LRMDA: variants seen among roughly 807,000 people sequenced by gnomAD.
LRMDA encodes the protein leucine-rich melanocyte differentiation-associated protein.
In LRMDA, 18 loss-of-function variants were observed where a neutral mutation model predicts 29.8. The ratio of observed to expected loss-of-function variants is 0.60; its 90% CI spans 0.42 to 0.90. LRMDA has a LOEUF of 0.90. LRMDA is among the 40% of genes least tolerant of loss of function. LRMDA has a pLI of 0.00. For synonymous variants in LRMDA, 125 were observed against 109.4 expected (o/e 1.14, Z -0.89); for missense variants, 273 against 273.9 (o/e 1.00, Z 0.02).
At position 76,088,538 on chromosome 10, in the gene LRMDA, T is replaced by C. The variant is rs73283308; in HGVS notation, c.516+29755T>C. ...ATGAGAATTAGAAACTGACTCACAATATCTGGATGGGAAGCCAGGCAGGAG... is the reference window on the plus strand; with the variant it reads ...ATGAGAATTAGAAACTGACTCACAACATCTGGATGGGAAGCCAGGCAGGAG... On this transcript the variant is annotated intron_variant, in intron 5 of 6. Coordinates refer to ENST00000611255, the MANE Select transcript of LRMDA (RefSeq NM_001305581.2). Among the ~76,000 whole-genome samples the C allele has an allele frequency of 2.9e-3, 434 of 152,246 alleles. 1 individual carries two copies. The highest frequency in any genetic ancestry group is 9.9e-3 in the African/African-American group (412 of 41,562).
intron 6 of LRMDA, among the ~76,000 whole-genome samples, chr10:76,478,990 A>ATGTACAAATG (rs1842708679): frequency 6.6e-6 from 1 of 152,002 alleles, no homozygotes; most frequent in Non-Finnish European, 1.5e-5. Flanking sequence ...TGGCACATGT[A>ATGTACAAATG]TACAGATGTA....
chr10:75,907,396 T>C (rs1217483954), intron 2 of LRMDA, among the ~76,000 whole-genome samples: 2 of 152,214 alleles, frequency 1.3e-5, no homozygotes, highest in African/African-American at 2.4e-5. Flanking sequence ...TGTTTCCTTT[T>C]GTTGAAGGCA....
At chr10:75,844,088 C>T (rs1283078591) in intron 2 of LRMDA, among the ~76,000 whole-genome samples, 1 of 152,060 alleles carries the variant, frequency 6.6e-6, no homozygotes, top group Admixed American at 6.6e-5. Flanking sequence ...TTTGATGGGC[C>T]TGATGGTGCT....
intron 5 of LRMDA, among the ~76,000 whole-genome samples, chr10:76,216,400 T>C (rs749072059): frequency 3.9e-5 from 6 of 152,104 alleles, no homozygotes; most frequent in East Asian, 1.9e-4. Flanking sequence ...CATTGTAAAG[T>C]AGATTTTTTC....
intron 2 of LRMDA, among the ~76,000 whole-genome samples, chr10:75,900,517 C>T (rs369461811): frequency 6.6e-6 from 1 of 152,204 alleles, no homozygotes; most frequent in East Asian, 1.9e-4. Context: ...GGAGGAAACC[C>T]CTTTGAGACT....
chr10:75,758,188 G>A (rs1413244605), intron 2 of LRMDA, among the ~76,000 whole-genome samples: 4 of 152,232 alleles, frequency 2.6e-5, no homozygotes, highest in Non-Finnish European at 2.9e-5. Flanking sequence ...GAGGCAAAGG[G>A]TGTGAGGGGG....
chr10:76,233,427 A>G (rs1852096308), intron 5 of LRMDA, among the ~76,000 whole-genome samples: 1 of 152,156 alleles, frequency 6.6e-6, no homozygotes, highest in South Asian at 2.1e-4. Flanking sequence ...CTGCTGACTG[A>G]TCAGGGAGGT....
intron 2 of LRMDA, among the ~76,000 whole-genome samples, chr10:75,838,106 T>C (rs1186655308): frequency 6.6e-6 from 1 of 152,224 alleles, no homozygotes; most frequent in Non-Finnish European, 1.5e-5. Flanking sequence ...ATTTGATGAC[T>C]GAAATGTTCT....
At chr10:76,380,429 G>A (rs1841575224) in intron 6 of LRMDA, among the ~76,000 whole-genome samples, 1 of 152,008 alleles carries the variant, frequency 6.6e-6, no homozygotes, top group Non-Finnish European at 1.5e-5. Flanking sequence ...CAGCACTTTG[G>A]GAGGCCGAGG....
At chr10:76,235,685 G>A (rs1378155255) in intron 5 of LRMDA, among the ~76,000 whole-genome samples, 1 of 152,166 alleles carries the variant, frequency 6.6e-6, no homozygotes, top group African/African-American at 2.4e-5. Context: ...TGACTATTGA[G>A]TTACAGGAGT....
intron 3 of LRMDA, among the ~76,000 whole-genome samples, chr10:76,041,656 C>T (rs1848341964): frequency 6.6e-6 from 1 of 152,164 alleles, no homozygotes; most frequent in South Asian, 2.1e-4. Context: ...TGGACACAGG[C>T]TAGGAGGCTT....
chr10:76,257,394 C>A (rs1258610483), intron 5 of LRMDA, among the ~76,000 whole-genome samples: 1 of 149,778 alleles, frequency 6.7e-6, no homozygotes, highest in African/African-American at 2.5e-5. Flanking sequence ...AGTGCAATGG[C>A]ATGATCTCAG....
chr10:76,477,564 A>G (rs180920916), intron 6 of LRMDA, among the ~76,000 whole-genome samples: 190 of 152,290 alleles, frequency 1.2e-3, no homozygotes, highest in Non-Finnish European at 2.2e-3. Flanking sequence ...TAAAGTTCAT[A>G]TGGAACCGAA....
intron 5 of LRMDA, among the ~76,000 whole-genome samples, chr10:76,102,655 T>A (rs1003574488): frequency 3.3e-5 from 5 of 152,106 alleles, no homozygotes; most frequent in African/African-American, 1.2e-4. Context: ...CTTTTGTTTT[T>A]TTGTTTGTTT....
intron 5 of LRMDA, among the ~76,000 whole-genome samples, chr10:76,140,629 G>A (rs915274275): frequency 2.0e-5 from 3 of 152,088 alleles, no homozygotes; most frequent in African/African-American, 7.2e-5. Context: ...AAAGATCTTA[G>A]AAGCAGCTTC....
intron 2 of LRMDA, among the ~76,000 whole-genome samples, chr10:75,880,439 C>T (rs1589239066): frequency 1.3e-5 from 2 of 152,218 alleles, no homozygotes; most frequent in East Asian, 3.8e-4. Context: ...AGCCCTAAAA[C>T]ATTTTCAAAG....
At chr10:75,988,492 T>G (rs1320322968) in intron 2 of LRMDA, among the ~76,000 whole-genome samples, 4 of 152,088 alleles carry the variant, frequency 2.6e-5, no homozygotes, top group African/African-American at 9.7e-5. Flanking sequence ...GGCTTAATTT[T>G]GAGCATTTAG....
At chr10:76,546,905 A>C (rs1403937382) in intron 6 of LRMDA, among the ~76,000 whole-genome samples, 1 of 152,200 alleles carries the variant, frequency 6.6e-6, no homozygotes, top group Admixed American at 6.5e-5. Context: ...CATGTACCAG[A>C]GACCAATGAT....
chr10:75,660,565 G>A (rs1472651263), intron 2 of LRMDA, among the ~76,000 whole-genome samples: 2 of 152,144 alleles, frequency 1.3e-5, no homozygotes, highest in Non-Finnish European at 2.9e-5. Flanking sequence ...TTCATGGGAC[G>A]CCTGACATGA....
Sources: allele counts gnomAD v4.1 joint callset (sites outside exome capture counted in the v4.1 genomes callset), GRCh38; gene constraint gnomAD v4.1.1; transcripts MANE v1.5; gene names NCBI Gene and HGNC (gene_info 2026-07-23, HGNC 2026-07-21).